The following QTMAN variants were observed in gnomAD, a reference collection of about 807,000 sequenced individuals.
QTMAN encodes the protein queuosine-tRNA mannosyltransferase, also known as tRNA-queuosine alpha-mannosyltransferase.
chr2:144,255,739 G>C, the QTMAN span, among the ~76,000 whole-genome samples: 1 of 152,178 alleles, frequency 6.6e-6, no homozygotes, highest in Non-Finnish European at 1.5e-5. Flanking sequence ...GATTTTTAGG[G>C]CATTAAAACT....
At chr2:144,070,485 T>C in the QTMAN span, among the ~76,000 whole-genome samples, 3 of 152,022 alleles carry the variant, frequency 2.0e-5, no homozygotes, top group African/African-American at 7.2e-5. Flanking sequence ...AGGATTCCCT[T>C]CCCCAATTTA....
chr2:143,989,455 T>C, the QTMAN span, among the ~76,000 whole-genome samples: 8,231 of 152,072 alleles, frequency 0.054, 385 homozygotes, highest in African/African-American at 0.12. Context: ...TCCCAAAACA[T>C]CCATCTCCTC....
At chr2:144,077,718 T>C in the QTMAN span, among the ~76,000 whole-genome samples, 5 of 152,198 alleles carry the variant, frequency 3.3e-5, no homozygotes, top group Non-Finnish European at 7.4e-5. Context: ...GGCAAAAGAA[T>C]GATTGTTATC....
chr2:144,071,633 C>A, the QTMAN span, among the ~76,000 whole-genome samples: 186 of 152,246 alleles, frequency 1.2e-3, no homozygotes, highest in African/African-American at 4.3e-3. Flanking sequence ...TGATTTTGGA[C>A]CTCCTCCCAG....
chr2:144,023,713 G>T, the QTMAN span, among the ~76,000 whole-genome samples: 1 of 151,972 alleles, frequency 6.6e-6, no homozygotes, highest in East Asian at 1.9e-4. Flanking sequence ...TATTATTGTG[G>T]GTCATAGCCA....
At chr2:144,125,700 A>G in the QTMAN span, among the ~76,000 whole-genome samples, 1 of 152,138 alleles carries the variant, frequency 6.6e-6, no homozygotes, top group Non-Finnish European at 1.5e-5. Context: ...ATTCAGCATA[A>G]CATATTTAGA....
chr2:144,151,841 C>T, the QTMAN span, among the ~76,000 whole-genome samples: 1 of 152,200 alleles, frequency 6.6e-6, no homozygotes, highest in Non-Finnish European at 1.5e-5. Context: ...CATTTTAACA[C>T]AATTTGCTTT....
chr2:144,224,888 T>C, the QTMAN span, among the ~76,000 whole-genome samples: 1 of 152,188 alleles, frequency 6.6e-6, no homozygotes, highest in Non-Finnish European at 1.5e-5. Flanking sequence ...GGCCTGGATA[T>C]AACTTTAATA....
chr2:144,151,053 C>T, the QTMAN span, among the ~76,000 whole-genome samples: 1 of 151,996 alleles, frequency 6.6e-6, no homozygotes, highest in Non-Finnish European at 1.5e-5. Flanking sequence ...AAAGGTAAGA[C>T]ATGAAAATAA....
At chr2:143,988,628 G>T in the QTMAN span, among the ~76,000 whole-genome samples, 1 of 152,190 alleles carries the variant, frequency 6.6e-6, no homozygotes, top group Non-Finnish European at 1.5e-5. Flanking sequence ...TATAGAAGAA[G>T]AAACTAAAGC....
At chr2:144,224,414 A>C in the QTMAN span, among the ~76,000 whole-genome samples, 8 of 152,236 alleles carry the variant, frequency 5.3e-5, no homozygotes, top group East Asian at 1.4e-3. Flanking sequence ...ATGCTTGGGG[A>C]TAAATTAGGT....
the QTMAN span, among the ~76,000 whole-genome samples, chr2:144,234,856 G>A: frequency 6.6e-6 from 1 of 152,158 alleles, no homozygotes; most frequent in Non-Finnish European, 1.5e-5. Context: ...ACATGGGGAA[G>A]GAATCAAGTG....
At chr2:144,284,978 C>T in the QTMAN span, among the ~76,000 whole-genome samples, 1 of 142,704 alleles carries the variant, frequency 7.0e-6, no homozygotes, top group Non-Finnish European at 1.5e-5. Flanking sequence ...TAGTGGAGCA[C>T]TCCCGTAGTC....
the QTMAN span, among the ~76,000 whole-genome samples, chr2:144,081,371 A>C: frequency 6.6e-6 from 1 of 152,216 alleles, no homozygotes; most frequent in Non-Finnish European, 1.5e-5. Flanking sequence ...CTTCTTCCAC[A>C]AGAGTCCAAA....
chr2:144,003,257 C>G, the QTMAN span, among the ~76,000 whole-genome samples: 1 of 151,778 alleles, frequency 6.6e-6, no homozygotes, highest in Admixed American at 6.6e-5. Flanking sequence ...GAACTGTGGC[C>G]TTGAGAGAGT....
chr2:144,011,741 T>C, the QTMAN span: 1 of 985,250 alleles, frequency 1.0e-6, no homozygotes, highest in Non-Finnish European at 1.2e-6. Context: ...ATTAATTCAA[T>C]GACGTGACTA....
the QTMAN span, among the ~76,000 whole-genome samples, chr2:144,318,691 T>C: frequency 1.3e-5 from 2 of 152,212 alleles, no homozygotes; most frequent in Non-Finnish European, 2.9e-5. Context: ...AAAAATTGAA[T>C]AGTATATCCT....
the QTMAN span, among the ~76,000 whole-genome samples, chr2:144,099,488 G>A: frequency 6.6e-6 from 1 of 152,186 alleles, no homozygotes; most frequent in Non-Finnish European, 1.5e-5. Context: ...ACTAGGGTAT[G>A]AGGGAAAAAC....
the QTMAN span, among the ~76,000 whole-genome samples, chr2:144,328,076 G>A: frequency 1.3e-5 from 2 of 151,982 alleles, no homozygotes; most frequent in South Asian, 2.1e-4. Flanking sequence ...CTCAGCCTCC[G>A]AGTAGCTGGG....
Sources: allele counts gnomAD v4.1 joint callset (sites outside exome capture counted in the v4.1 genomes callset), GRCh38; gene constraint gnomAD v4.1.1; transcripts MANE v1.5; gene names NCBI Gene and HGNC (gene_info 2026-07-23, HGNC 2026-07-21).